The following NGF variants were observed in gnomAD, a reference collection of about 807,000 sequenced individuals.
The protein encoded by NGF is nerve growth factor, also known as beta-nerve growth factor.
Under a neutral mutation model 12.8 loss-of-function variants are expected in NGF, and 4 were observed. The observed-to-expected ratio is 0.31, with a 90% confidence interval of 0.15 to 0.72. The LOEUF (loss-of-function observed/expected upper bound fraction) is 0.72, where lower values mean the gene tolerates loss of function less well. NGF is among the 30% of genes least tolerant of loss of function. The probability of loss-of-function intolerance (pLI) is 0.69; values close to 1 mark genes in which losing one functional copy is unlikely to be tolerated. For missense variants in NGF, 283 were observed against 330.8 expected (o/e 0.86, Z 1.12); for synonymous variants, 140 against 130.0 (o/e 1.08, Z -0.52).
chr1:115,298,983 CT>C, intron 1 of NGF, among the ~76,000 whole-genome samples: 1 of 152,236 alleles, frequency 6.6e-6, no homozygotes, highest in African/African-American at 2.4e-5. Context: ...AGTCCTTACC[CT>C]GAGTCTGTGC....
In NGF at chr1:115,324,768, A is replaced by G. The variant is rs566204274; in HGVS notation, c.-137+13436T>C. The stretch of plus-strand genomic sequence containing the variant: ...GGGCAGCCCATGGCTGGTCTACGCC[A>G]GAAAGCATTCCCTGAAATGCTAGAT... On this transcript the variant is annotated intron_variant, in intron 1 of 2. Coordinates refer to ENST00000369512, the MANE Select transcript of NGF (RefSeq NM_002506.3). Among the ~76,000 whole-genome samples, 5 of 152,316 alleles carry G rather than the reference A, an allele frequency of 3.3e-5. No individual in the cohort carries two copies. The South Asian group carries it at 8.3e-4, about 25-fold the overall frequency.
chr1:115,302,040 A>G (rs1654051941), intron 1 of NGF, among the ~76,000 whole-genome samples: 1 of 152,350 alleles, frequency 6.6e-6, no homozygotes, highest in Admixed American at 6.5e-5. Context: ...GAGTATTTCT[A>G]TCCGTGGGGC....
chr1:115,286,879 T>C, intron 2 of NGF, 72 bp from the exon 3 acceptor site: 3 of 1,584,790 alleles, frequency 1.9e-6, no homozygotes, highest in Non-Finnish European at 2.6e-6. Flanking sequence ...TCTGGGTCCC[T>C]CAGAGTTGAC....
At chr1:115,304,223 C>T (rs1385364523) in intron 1 of NGF, among the ~76,000 whole-genome samples, 1 of 151,828 alleles carries the variant, frequency 6.6e-6, no homozygotes, top group Non-Finnish European at 1.5e-5. Flanking sequence ...AGTGCAGTGG[C>T]ATGATCTCAG....
intron 1 of NGF, among the ~76,000 whole-genome samples, chr1:115,320,616 A>G (rs1004502148): frequency 7.2e-5 from 11 of 152,230 alleles, no homozygotes; most frequent in African/African-American, 2.4e-4. Context: ...GCAATATATC[A>G]TCACACTATT....
intron 1 of NGF, among the ~76,000 whole-genome samples, chr1:115,333,546 G>A (rs930691745): frequency 1.5e-4 from 22 of 150,140 alleles, no homozygotes; most frequent in African/African-American, 4.7e-4. Flanking sequence ...TGAATGCGTT[G>A]GCTACAGTCT....
At chr1:115,303,088 C>T (rs1571081136) in intron 1 of NGF, among the ~76,000 whole-genome samples, 2 of 152,206 alleles carry the variant, frequency 1.3e-5, no homozygotes, top group Middle Eastern at 6.8e-3. Context: ...AAATAAAAAA[C>T]CCCAACAAAC....
intron 1 of NGF, among the ~76,000 whole-genome samples, chr1:115,295,065 T>C (rs910679645): frequency 2.6e-5 from 4 of 152,164 alleles, no homozygotes; most frequent in African/African-American, 9.7e-5. Context: ...AAAAATCTTC[T>C]CCCTGTGATA....
At chr1:115,325,242 T>G (rs1205776737) in intron 1 of NGF, among the ~76,000 whole-genome samples, 1 of 152,088 alleles carries the variant, frequency 6.6e-6, no homozygotes, top group African/African-American at 2.4e-5. Context: ...AAAAGGTCAG[T>G]GTGGTCACCA....
At chr1:115,294,495 T>A (rs533285037) in intron 1 of NGF, among the ~76,000 whole-genome samples, 6 of 152,368 alleles carry the variant, frequency 3.9e-5, no homozygotes, top group Non-Finnish European at 7.3e-5. Flanking sequence ...TTTTTGGTGC[T>A]GAGCAGCAGT....
At chr1:115,292,705 G>C (rs973352133) in intron 2 of NGF, among the ~76,000 whole-genome samples, 6 of 152,168 alleles carry the variant, frequency 3.9e-5, no homozygotes, top group Non-Finnish European at 8.8e-5. Context: ...GTGGTGGGGT[G>C]AGTATACTCA....
At chr1:115,318,399 C>T (rs997962937) in intron 1 of NGF, among the ~76,000 whole-genome samples, 3 of 152,216 alleles carry the variant, frequency 2.0e-5, no homozygotes, top group African/African-American at 4.8e-5. Context: ...ACTTTGCCAG[C>T]GGTGGGGATG....
chr1:115,337,269 T>TTGTTTG (rs1557950797), intron 1 of NGF, among the ~76,000 whole-genome samples: 1 of 39,126 alleles, frequency 2.6e-5, no homozygotes, highest in African/African-American at 9.8e-5. Context: ...TTGTTTTTGT[T>TTGTTTG]TTTTTTTTTT....
chr1:115,295,153 A>G (rs1386101155), intron 1 of NGF, among the ~76,000 whole-genome samples: 1 of 152,170 alleles, frequency 6.6e-6, no homozygotes, highest in African/African-American at 2.4e-5. Flanking sequence ...CAAATGTCAG[A>G]AAAGCCACCA....
At chr1:115,313,447 T>A (rs887182210) in intron 1 of NGF, among the ~76,000 whole-genome samples, 7 of 152,238 alleles carry the variant, frequency 4.6e-5, no homozygotes, top group Admixed American at 2.6e-4. Flanking sequence ...TTTATGTAAA[T>A]CTGCACTTGC....
chr1:115,314,861 T>C (rs548475023), intron 1 of NGF, among the ~76,000 whole-genome samples: 1 of 152,278 alleles, frequency 6.6e-6, no homozygotes, highest in African/African-American at 2.4e-5. Context: ...TGTCCGTTGG[T>C]GATAAGTGCT....
At chr1:115,308,495 T>G (rs893967239) in intron 1 of NGF, among the ~76,000 whole-genome samples, 10 of 152,126 alleles carry the variant, frequency 6.6e-5, no homozygotes, top group African/African-American at 2.4e-4. Flanking sequence ...GGAAACACAA[T>G]GGGCAGAACT....
intron 1 of NGF, among the ~76,000 whole-genome samples, chr1:115,314,617 C>A (rs1233742031): frequency 6.6e-6 from 1 of 152,118 alleles, no homozygotes; most frequent in Non-Finnish European, 1.5e-5. Context: ...ATGAATAAGA[C>A]CTGCCTAGTA....
At chr1:115,290,294 T>A (rs946036223) in intron 2 of NGF, among the ~76,000 whole-genome samples, 1 of 151,756 alleles carries the variant, frequency 6.6e-6, no homozygotes, top group African/African-American at 2.4e-5. Context: ...CCACCTCTGC[T>A]GGTGGAATCC....
Sources: allele counts gnomAD v4.1 joint callset (sites outside exome capture counted in the v4.1 genomes callset), GRCh38; gene constraint gnomAD v4.1.1; transcripts MANE v1.5; gene names NCBI Gene and HGNC (gene_info 2026-07-23, HGNC 2026-07-21).